Variants in SAFB observed in about 807,000 individuals in gnomAD.
The protein encoded by SAFB is scaffold attachment factor B1.
A neutral mutation model predicts 101.6 loss-of-function variants in SAFB; 15 were observed. The observed-to-expected ratio is 0.15, with a 90% CI of 0.10 to 0.23. SAFB has a LOEUF of 0.23. SAFB is among the 10% of genes least tolerant of loss of function. SAFB has a pLI of 1.00. For synonymous variants in SAFB, 449 were observed against 407.5 expected (o/e 1.10, Z -1.23); for missense variants, 930 against 1,104.1 (o/e 0.84, Z 2.23).
At chr19:5,659,149 A>T (rs948357347) in intron 14 of SAFB, among the ~76,000 whole-genome samples, 3 of 151,306 alleles carry the variant, frequency 2.0e-5, no homozygotes, top group African/African-American at 7.3e-5. Flanking sequence ...CTCAAAAAAA[A>T]AAAAAATCAG....
intron 9 of SAFB, 88 bp from the exon 10 acceptor site, chr19:5,653,027 G>A (rs2053973610): frequency 1.5e-6 from 2 of 1,365,568 alleles, no homozygotes; most frequent in Admixed American, 1.9e-5. Context: ...GACCCCTGAT[G>A]AGCAGACTTC....
chr19:5,657,067 G>A (rs1228380342), intron 13 of SAFB, among the ~76,000 whole-genome samples, 174 bp from the exon 14 acceptor site: 2 of 152,040 alleles, frequency 1.3e-5, no homozygotes, highest in East Asian at 1.9e-4. Context: ...CACTGCGCCC[G>A]GCAATTTTTA....
chr19:5,645,574 A>G (rs2053810726), intron 5 of SAFB, among the ~76,000 whole-genome samples, 175 bp downstream of exon 5: 1 of 152,230 alleles, frequency 6.6e-6, no homozygotes, highest in Non-Finnish European at 1.5e-5. Context: ...TAATGTACGC[A>G]TTGCCAGGGA....
chr19:5,660,744 G>T (rs1485783346), intron 14 of SAFB, among the ~76,000 whole-genome samples: 1 of 146,202 alleles, frequency 6.8e-6, no homozygotes, highest in Non-Finnish European at 1.5e-5. Context: ...CCTGGCTCCT[G>T]TCTGTTCTGT....
At chr19:5,652,850 C>A (rs2145457996) in intron 9 of SAFB, among the ~76,000 whole-genome samples, 1 of 152,202 alleles carries the variant, frequency 6.6e-6, no homozygotes, top group East Asian at 1.9e-4. Context: ...ATTAAAGGAA[C>A]ACTGGCAGAA....
At chr19:5,654,479 G>C in intron 13 of SAFB, 23 bp downstream of exon 13, 1 of 1,365,586 alleles carries the variant, frequency 7.3e-7, no homozygotes. Flanking sequence ...TTTCTAACTA[G>C]GGTATTTTGC....
At chr19:5,654,905 T>C (rs536147690) in intron 13 of SAFB, among the ~76,000 whole-genome samples, 53 of 152,364 alleles carry the variant, frequency 3.5e-4, no homozygotes, top group Non-Finnish European at 6.3e-4. Flanking sequence ...CTTTCCTTTA[T>C]CCTTACTTTT....
rs141699045 is a variant in SAFB at position 5,641,886 on chromosome 19, T to C, written c.486T>C (p.Asp162=). ...DADNLQESLS[D]SRELVEGEMK... is the part of the protein sequence containing the mutation. ...ATAACCTCCAGGAGTCCCTGTCGGA[T>C]AGTAGAGAGCTAGTCGAGGGGGAAA... The change falls in exon 4 of 21, where the codon GAT becomes GAC. Residue 162 remains aspartate (D), a synonymous_variant. Transcript: ENST00000588852. The C allele has an allele frequency of 4.3e-5, 69 of 1,614,020 alleles. 1 individual carries two copies. In the African/African-American group the frequency reaches 8.7e-4, roughly 20 times the overall value.
intron 14 of SAFB, among the ~76,000 whole-genome samples, chr19:5,660,455 T>TGA (rs971825961): frequency 1.0e-4 from 15 of 146,254 alleles, no homozygotes; most frequent in Admixed American, 3.6e-4. Context: ...TGGTTTCAAG[T>TGA]GATTGATCCT....
chr19:5,634,520 A>G (rs906410627), intron 2 of SAFB, among the ~76,000 whole-genome samples: 1 of 152,088 alleles, frequency 6.6e-6, no homozygotes, highest in Non-Finnish European at 1.5e-5. Flanking sequence ...AAGTAAGAAT[A>G]AAACTGAGAA....
intron 13 of SAFB, among the ~76,000 whole-genome samples, chr19:5,654,882 G>A (rs2054019244): frequency 6.6e-6 from 1 of 152,228 alleles, no homozygotes; most frequent in Non-Finnish European, 1.5e-5. Context: ...ATTATTTTAA[G>A]AAATGCAGAA....
At position 5,668,232 on chromosome 19, in the gene SAFB, T is replaced by C; in HGVS notation, c.2695T>C (p.Phe899Leu). Residue 899 changes from phenylalanine (F) to leucine (L), a missense_variant, in exon 21 of 21, where the codon TTT becomes CTT. Physicochemically the swap from Phe to Leu is conservative, Grantham distance 22. Around this residue, in one of 7 missense-constraint regions of SAFB, gnomAD observed 318 missense variants for 342.6 expected, o/e 0.93. Transcript: ENST00000588852. ...PIPHGGMQGG[F>L]GGQSRGSRPS... ...CCCACACGGTGGCATGCAGGGCGGGTTTGGAGGCCAGAGCCGGGGGAGCAG... is the reference window on the plus strand; with the variant it reads ...CCCACACGGTGGCATGCAGGGCGGGCTTGGAGGCCAGAGCCGGGGGAGCAG... 6.2e-7 allele frequency: 1 copy of C among 1,609,980 alleles called. No individual in the cohort carries two copies.
intron 1 of SAFB, among the ~76,000 whole-genome samples, chr19:5,625,383 G>A (rs1434956631): frequency 1.3e-5 from 2 of 152,206 alleles, no homozygotes; most frequent in Admixed American, 1.3e-4. Context: ...AAGAACTTCA[G>A]TCCCTTTTCT....
Position 5,630,483 on chromosome 19 carries a change from T to C in SAFB, c.274+3994T>C, listed in dbSNP as rs144175257. Among the ~76,000 whole-genome samples, 464 of 152,362 alleles carry C rather than the reference T, an allele frequency of 3.0e-3. 3 individuals carry two copies. Among genetic ancestry groups the C allele is most frequent in the African/African-American group, 0.011 (440 of 41,580 alleles). On this transcript the variant is annotated intron_variant, in intron 2 of 20. Coordinates refer to ENST00000588852, the MANE Select transcript of SAFB (RefSeq NM_001201338.2). ...GCTTTTAAATTATTAAAAATATGAC[T>C]GTAAGGCCAGGTGCGGTGGCACACG...
At chr19:5,651,747 C>T (rs1416282138) in intron 9 of SAFB, among the ~76,000 whole-genome samples, 1 of 152,232 alleles carries the variant, frequency 6.6e-6, no homozygotes, top group East Asian at 1.9e-4. Context: ...CCCAAACAGC[C>T]TCCTGCATTC....
At chr19:5,650,880 A>C in intron 8 of SAFB, 98 bp from the exon 9 acceptor site, 5 of 799,606 alleles carry the variant, frequency 6.3e-6, no homozygotes, top group Non-Finnish European at 6.2e-6. Flanking sequence ...CCACTGCCTC[A>C]GGAAAAATGG....
intron 6 of SAFB, chr19:5,648,256 A>T: frequency 1.8e-6 from 1 of 560,656 alleles, no homozygotes. Context: ...ATTTTACAAA[A>T]TGTATTGGTG....
intron 15 of SAFB, among the ~76,000 whole-genome samples, chr19:5,662,643 C>CTT (rs564198873): frequency 0.021 from 2,952 of 139,100 alleles, 42 homozygotes; most frequent in East Asian, 0.03. Flanking sequence ...AGGCCCTTTC[C>CTT]TTTTTTTTTT....
At chr19:5,652,347 A>G (rs1055472240) in intron 9 of SAFB, among the ~76,000 whole-genome samples, 4 of 152,068 alleles carry the variant, frequency 2.6e-5, no homozygotes, top group Admixed American at 1.3e-4. Flanking sequence ...GGCGTCCCCC[A>G]GCGGGTGGGT....
Sources: allele counts gnomAD v4.1 joint callset (sites outside exome capture counted in the v4.1 genomes callset), GRCh38; gene constraint gnomAD v4.1.1; regional missense constraint gnomAD v4.1.1; transcripts MANE v1.5; gene names NCBI Gene and HGNC (gene_info 2026-07-23, HGNC 2026-07-21).